SPIDR: variants seen among roughly 807,000 people sequenced by gnomAD.
SPIDR encodes scaffold protein involved in DNA repair.
A neutral mutation model predicts 104.6 loss-of-function variants in SPIDR; 93 were observed. The observed-to-expected ratio is 0.89, with a 90% CI of 0.75 to 1.06. The LOEUF is 1.06. SPIDR is among the 50% of genes least tolerant of loss of function. The probability of loss-of-function intolerance (pLI) is 0.00; values close to 1 mark genes in which losing one functional copy is unlikely to be tolerated. For missense variants in SPIDR, 1,154 were observed against 1,111.2 expected (o/e 1.04, Z -0.55); for synonymous variants, 431 against 416.9 (o/e 1.03, Z -0.41).
chr8:47,414,527 G>A (rs141698988), intron 7 of SPIDR, among the ~76,000 whole-genome samples: 255 of 152,194 alleles, frequency 1.7e-3, no homozygotes, highest in Middle Eastern at 0.01. Context: ...TTGATCTGTC[G>A]ATTATAATGA....
intron 6 of SPIDR, among the ~76,000 whole-genome samples, chr8:47,398,965 G>A (rs1043006125): frequency 1.3e-5 from 2 of 152,322 alleles, no homozygotes; most frequent in Admixed American, 6.5e-5. Flanking sequence ...GTGTGCAGCC[G>A]TCTCAGCGGC....
intron 8 of SPIDR, among the ~76,000 whole-genome samples, chr8:47,475,288 C>T (rs1554723133): frequency 1.3e-5 from 2 of 152,198 alleles, no homozygotes; most frequent in African/African-American, 2.4e-5. Flanking sequence ...CACATTTCTC[C>T]CAGGGCATGC....
At position 47,673,884 on chromosome 8, in the gene SPIDR, A is replaced by C. The variant is rs2076095789; in HGVS notation, c.1628A>C (p.Glu543Ala). 7 of 1,614,144 alleles carry C rather than the reference A, an allele frequency of 4.3e-6. No individual in the cohort carries two copies. In the East Asian group the frequency reaches 1.6e-4, roughly 36 times the overall value. The change falls in exon 11 of 20, where the codon GAA becomes GCA. Residue 543 changes from glutamate (E) to alanine (A), a missense_variant. Transcript: ENST00000297423. ...ACCATGTCGAAGGCAAGACAGTTGG[A>C]AGGGAAGTCTTGCAGCCTGGTGGGA... ...EFTMSKARQL[E>A]GKSCSLVGMK... is the part of the protein sequence containing the mutation.
intron 7 of SPIDR, among the ~76,000 whole-genome samples, chr8:47,411,163 G>C (rs1224546338): frequency 6.6e-6 from 1 of 152,126 alleles, no homozygotes; most frequent in African/African-American, 2.4e-5. Flanking sequence ...ATAATCCTTT[G>C]GGTATATACC....
chr8:47,300,930 G>T (rs1554576907), intron 5 of SPIDR, among the ~76,000 whole-genome samples: 4 of 152,060 alleles, frequency 2.6e-5, no homozygotes, highest in Non-Finnish European at 4.4e-5. Flanking sequence ...TCTGTTGATT[G>T]GGGGTGGAGA....
At chr8:47,311,686 A>G (rs868910670) in intron 5 of SPIDR, among the ~76,000 whole-genome samples, 3 of 152,012 alleles carry the variant, frequency 2.0e-5, no homozygotes, top group South Asian at 4.1e-4. Flanking sequence ...GCACCCTGAG[A>G]AATGCTAATG....
Position 47,260,969 on chromosome 8 carries a change from G to C in SPIDR, c.11G>C (p.Gly4Ala), listed in dbSNP as rs192114624. 8.1e-7 allele frequency: 1 copy of C among 1,230,160 alleles called. No individual in the cohort carries two copies. 76.2% of individuals were successfully genotyped at this position (1,230,160 alleles called of 1,614,324 possible). ...GCGGCGCTCCCGGAGATGCCCCGCG[G>C]CAGCCGCGCTCGGGGCTCTAAGGTA... MPR[G>A]SRARGSKRKR... The change falls in exon 1 of 20, where the codon GGC becomes GCC. Residue 4 changes from glycine to alanine, a missense_variant. Transcript: ENST00000297423.
At chr8:47,413,397 C>T (rs1180943780) in intron 7 of SPIDR, among the ~76,000 whole-genome samples, 2 of 152,220 alleles carry the variant, frequency 1.3e-5, no homozygotes, top group Non-Finnish European at 2.9e-5. Context: ...AAAGCCAGGC[C>T]TCCTGGTTCC....
chr8:47,463,385 A>G (rs1328695303), intron 8 of SPIDR, among the ~76,000 whole-genome samples: 3 of 151,898 alleles, frequency 2.0e-5, no homozygotes, highest in East Asian at 1.9e-4. Context: ...AAAAGAAAAA[A>G]CCTTCCAATG....
intron 5 of SPIDR, among the ~76,000 whole-genome samples, chr8:47,389,015 A>G (rs2060261701): frequency 6.6e-6 from 1 of 152,230 alleles, no homozygotes; most frequent in Non-Finnish European, 1.5e-5. Flanking sequence ...TCACTAAATC[A>G]GAAGACTCCT....
Position 47,369,256 on chromosome 8 carries a change from G to C in SPIDR, c.526-27120G>C, listed in dbSNP as rs556598831. 6.6e-5 allele frequency among the ~76,000 whole-genome samples: 10 copies of C among 152,296 alleles called. No homozygotes were observed. In the East Asian group the frequency reaches 1.9e-3, roughly 29 times the overall value. Reference sequence around the variant, plus strand: ...AAAGGTTTCTGCAAGGAGTAAGAGAGGCAGCTTCTAACAACAAAGGTTACA... The same window carrying C: ...AAAGGTTTCTGCAAGGAGTAAGAGACGCAGCTTCTAACAACAAAGGTTACA... On this transcript the variant is annotated intron_variant, in intron 5 of 19. Coordinates refer to ENST00000297423, the MANE Select transcript of SPIDR (RefSeq NM_001080394.4).
At chr8:47,264,219 A>G (rs2033334559) in intron 1 of SPIDR, among the ~76,000 whole-genome samples, 1 of 152,188 alleles carries the variant, frequency 6.6e-6, no homozygotes, top group African/African-American at 2.4e-5. Flanking sequence ...TAGAATAGAA[A>G]GGACTGGGTT....
chr8:47,553,810 T>A (rs1294641376), intron 8 of SPIDR, among the ~76,000 whole-genome samples: 1 of 152,228 alleles, frequency 6.6e-6, no homozygotes. Flanking sequence ...TGTCTTCCTT[T>A]GGAGGAGAAG....
intron 5 of SPIDR, among the ~76,000 whole-genome samples, chr8:47,299,661 G>A (rs1489349081): frequency 6.6e-6 from 1 of 152,148 alleles, no homozygotes; most frequent in Non-Finnish European, 1.5e-5. Flanking sequence ...TTAGCATGAA[G>A]GGTTGTTGAA....
intron 5 of SPIDR, among the ~76,000 whole-genome samples, chr8:47,308,062 T>G (rs1554582488): frequency 1.3e-5 from 2 of 151,870 alleles, no homozygotes; most frequent in Non-Finnish European, 2.9e-5. Flanking sequence ...GCATTTGCTG[T>G]TTGTTTTGTT....
chr8:47,553,960 C>T lies in SPIDR; in HGVS notation c.1098-41851C>T, dbSNP rs555885112. ...GATGTCCTTCCTGTTTGTTTGTTTT[C>T]CTTCCAACAATCAGGACCCTCAGCT... On this transcript the variant is annotated intron_variant, in intron 8 of 19. Coordinates refer to ENST00000297423, the MANE Select transcript of SPIDR (RefSeq NM_001080394.4). Among the ~76,000 whole-genome samples the T allele has an allele frequency of 2.1e-4, 32 of 152,304 alleles. No individual in the cohort carries two copies. The South Asian group carries it at 6.6e-3, about 32-fold the overall frequency.
chr8:47,522,443 A>T (rs1283273521), intron 8 of SPIDR, among the ~76,000 whole-genome samples: 2 of 152,208 alleles, frequency 1.3e-5, no homozygotes, highest in Non-Finnish European at 2.9e-5. Context: ...TTTGGTTGTC[A>T]GCAGCAGGAA....
chr8:47,642,427 A>G (rs891537022), intron 10 of SPIDR, among the ~76,000 whole-genome samples: 4 of 151,836 alleles, frequency 2.6e-5, no homozygotes, highest in South Asian at 2.1e-4. Flanking sequence ...AAAAAAAAAA[A>G]AAAAAGAAAA....
At chr8:47,548,921 C>G (rs2089971207) in intron 8 of SPIDR, among the ~76,000 whole-genome samples, 1 of 152,182 alleles carries the variant, frequency 6.6e-6, no homozygotes, top group Non-Finnish European at 1.5e-5. Flanking sequence ...CCTCCCTTCT[C>G]CCCCTACCCC....
Sources: gnomAD v4.1 joint callset for allele counts (sites outside exome capture counted in the v4.1 genomes callset) on GRCh38, gnomAD v4.1.1 for gene constraint, MANE v1.5 for transcripts, NCBI Gene and HGNC (gene_info 2026-07-23, HGNC 2026-07-21) for gene names.